Variants in TBC1D10A observed in about 807,000 individuals in gnomAD.
TBC1D10A encodes EBP50-PDX interactor of 64 kDa.
A neutral mutation model predicts 52.9 loss-of-function variants in TBC1D10A; 24 were observed. That is an observed-to-expected ratio of 0.45 (90% CI 0.33 to 0.64). TBC1D10A has a LOEUF of 0.64. Among genes scored for constraint, TBC1D10A ranks in the 30% least tolerant of loss-of-function variants. The probability of loss-of-function intolerance (pLI) is 0.02; values close to 1 mark genes in which losing one functional copy is unlikely to be tolerated. For synonymous variants in TBC1D10A, 278 were observed against 282.9 expected, an observed-to-expected ratio of 0.98 and a Z score of 0.17; for missense variants, 602 against 687.9, an observed-to-expected ratio of 0.88 and a Z score of 1.40.
At chr22:30,314,477 AG>A (rs142956772) in intron 1 of TBC1D10A, among the ~76,000 whole-genome samples, 7 of 152,248 alleles carry the variant, frequency 4.6e-5, no homozygotes, top group African/African-American at 1.7e-4. Flanking sequence ...GGGAGGATGG[AG>A]GGGGTCACTC....
At chr22:30,309,155 A>G (rs1489717957) in intron 1 of TBC1D10A, among the ~76,000 whole-genome samples, 1 of 152,088 alleles carries the variant, frequency 6.6e-6, no homozygotes, top group African/African-American at 2.4e-5. Context: ...GCCCGTACCT[A>G]GCAATGCTCA....
intron 2 of TBC1D10A, among the ~76,000 whole-genome samples, chr22:30,301,089 T>C (rs1207654134): frequency 6.6e-6 from 1 of 152,206 alleles, no homozygotes; most frequent in Non-Finnish European, 1.5e-5. Context: ...AAATTTGTCA[T>C]ACAATCAGAA....
intron 1 of TBC1D10A, among the ~76,000 whole-genome samples, chr22:30,324,048 T>C (rs1270017486): frequency 6.6e-6 from 1 of 152,178 alleles, no homozygotes; most frequent in African/African-American, 2.4e-5. Context: ...GTCACCTCAG[T>C]AAGGTAGCCT....
intron 2 of TBC1D10A, among the ~76,000 whole-genome samples, chr22:30,301,109 C>T (rs12168728): frequency 0.024 from 3,670 of 152,254 alleles, 131 homozygotes; most frequent in African/African-American, 0.082. Context: ...AACCCTACTA[C>T]CTCCTAGCTG....
At chr22:30,301,647 T>C (rs1930203747) in intron 2 of TBC1D10A, among the ~76,000 whole-genome samples, 1 of 152,178 alleles carries the variant, frequency 6.6e-6, no homozygotes, top group Non-Finnish European at 1.5e-5. Flanking sequence ...TCAACAGTCC[T>C]GCTGGAAGCT....
At chr22:30,326,641 C>A in intron 1 of TBC1D10A, 32 bp downstream of exon 1, 1 of 1,554,202 alleles carries the variant, frequency 6.4e-7, no homozygotes, top group Non-Finnish European at 8.7e-7. Flanking sequence ...GCGTGGGTGG[C>A]GCGCTCAGTC....
chr22:30,296,854 G>A lies in TBC1D10A; in HGVS notation c.418-1011C>T, dbSNP rs146419928. 7.9e-4 allele frequency: 121 copies of A among 152,376 alleles called. 1 individual carries two copies. Among genetic ancestry groups the A allele is most frequent in the African/African-American group, 2.7e-3 (114 of 41,582 alleles). 9.4% of individuals were successfully genotyped at this position (152,376 alleles called of 1,614,324 possible). On this transcript the variant is annotated intron_variant, in intron 3 of 8. Coordinates refer to ENST00000215790, the MANE Select transcript of TBC1D10A (RefSeq NM_031937.3). The stretch of plus-strand genomic sequence containing the variant: ...AAATAAGGAGGAAGCCCAGAGGGCT[G>A]AGCAGGGAAGCAGAGTATTCACCAG...
chr22:30,314,941 G>T (rs1399378608), intron 1 of TBC1D10A, among the ~76,000 whole-genome samples: 1 of 152,174 alleles, frequency 6.6e-6, no homozygotes. Context: ...GAGGACAGAG[G>T]CCCCGGGCAG....
intron 1 of TBC1D10A, among the ~76,000 whole-genome samples, chr22:30,308,943 C>T (rs1245590407): frequency 2.0e-5 from 3 of 152,188 alleles, no homozygotes; most frequent in East Asian, 1.9e-4. Flanking sequence ...GACAAAGTCA[C>T]AAAGCTAATA....
At chr22:30,294,613 G>A (rs975348886) in intron 6 of TBC1D10A, among the ~76,000 whole-genome samples, 183 bp downstream of exon 6, 1 of 152,250 alleles carries the variant, frequency 6.6e-6, no homozygotes, top group African/African-American at 2.4e-5. Context: ...ATGAAAGTCA[G>A]TGTAGAAGGG....
intron 1 of TBC1D10A, among the ~76,000 whole-genome samples, chr22:30,313,178 G>A (rs1250168013): frequency 6.6e-6 from 1 of 152,164 alleles, no homozygotes; most frequent in African/African-American, 2.4e-5. Flanking sequence ...GGCTTGTTTG[G>A]GGAATGTGAG....
In TBC1D10A at chr22:30,292,818, C is replaced by G; in HGVS notation, c.1084G>C (p.Glu362Gln). The G allele has an allele frequency of 6.2e-7, 1 of 1,611,476 alleles. No individual in the cohort carries two copies. The highest frequency in any genetic ancestry group is 8.5e-7 in the Non-Finnish European group (1 of 1,179,940). ...CGCAGCTGAATGAGGTGTTCGCGCT[C>G]AATCTGGCGCTCTGTCACGGGCAAC... ...VELPVTERQI[E>Q]REHLIQLRRW... The change falls in exon 9 of 9, where the codon GAG (glutamate) becomes CAG (glutamine). Residue 362 changes from glutamate (E) to glutamine (Q), a missense_variant. Transcript: ENST00000215790.
At chr22:30,301,006 C>T (rs1816271672) in intron 2 of TBC1D10A, among the ~76,000 whole-genome samples, 1 of 152,154 alleles carries the variant, frequency 6.6e-6, no homozygotes, top group Admixed American at 6.5e-5. Context: ...ACGATCATGT[C>T]TTTTACAAAT....
intron 1 of TBC1D10A, among the ~76,000 whole-genome samples, chr22:30,316,358 G>A (rs1481483744): frequency 6.6e-6 from 1 of 152,172 alleles, no homozygotes; most frequent in African/African-American, 2.4e-5. Context: ...AAGAGGAACA[G>A]AGCATGCTGG....
chr22:30,293,834 G>C (rs770582348), intron 7 of TBC1D10A, 29 bp from the exon 8 acceptor site: 2 of 1,603,286 alleles, frequency 1.2e-6, no homozygotes, highest in Non-Finnish European at 1.7e-6. Flanking sequence ...GTAAGTACAA[G>C]GAAGCTTTTT....
intron 3 of TBC1D10A, 106 bp from the exon 4 acceptor site, chr22:30,295,949 G>A: frequency 1.0e-6 from 1 of 979,880 alleles, no homozygotes; most frequent in Admixed American, 2.4e-5. Context: ...ACCAGGGGCA[G>A]TGCCCACCCA....
At chr22:30,322,595 T>A (rs1168815204) in intron 1 of TBC1D10A, among the ~76,000 whole-genome samples, 6 of 17,228 alleles carry the variant, frequency 3.5e-4, no homozygotes, top group African/African-American at 6.3e-4. Flanking sequence ...ACTTTCAGCT[T>A]TTTTTTTTTT....
intron 1 of TBC1D10A, among the ~76,000 whole-genome samples, chr22:30,322,055 T>C (rs1930664795): frequency 6.7e-6 from 1 of 149,510 alleles, no homozygotes; most frequent in Non-Finnish European, 1.5e-5. Flanking sequence ...CCTCAACTCA[T>C]TACAACCTCC....
At position 30,293,659 on chromosome 22, in the gene TBC1D10A, C is replaced by T. The variant is rs747322148; in HGVS notation, c.1042G>A (p.Val348Ile). 21 of 1,608,046 alleles carry T rather than the reference C, an allele frequency of 1.3e-5. No individual in the cohort carries two copies. Among genetic ancestry groups the T allele is most frequent in the Middle Eastern group, 1.7e-4 (1 of 5,918 alleles). Residue 348 changes from valine (V) to isoleucine (I), a missense_variant, in exon 8 of 9, where the codon GTC (valine) becomes ATC (isoleucine). Transcript: ENST00000215790. ...SPKIMQEAFLVQEVVELPVTE... is the reference protein window; with the variant it reads ...SPKIMQEAFLIQEVVELPVTE... ...GCAGGCATGGGCTGTACCTCCTGGA[C>T]CAGAAAGGCCTCCTGCATGATCTTG...
Sources: gnomAD v4.1 joint callset for allele counts (sites outside exome capture counted in the v4.1 genomes callset) on GRCh38, gnomAD v4.1.1 for gene constraint, MANE v1.5 for transcripts, NCBI Gene and HGNC (gene_info 2026-07-23, HGNC 2026-07-21) for gene names.